PKP4: variants seen among roughly 807,000 people sequenced by gnomAD.
PKP4 encodes plakophilin 4, also known as plakophilin-4.
Under a neutral mutation model 145.1 loss-of-function variants are expected in PKP4, and 90 were observed. The ratio of observed to expected loss-of-function variants is 0.62; its 90% CI spans 0.52 to 0.74. PKP4 has a LOEUF of 0.74. Among genes scored for constraint, PKP4 ranks in the 30% least tolerant of loss-of-function variants. The probability of loss-of-function intolerance (pLI) is 0.00; values close to 1 mark genes in which losing one functional copy is unlikely to be tolerated. For missense variants in PKP4, 1,340 were observed against 1,482.7 expected, an observed-to-expected ratio of 0.90 and a Z score of 1.58; for synonymous variants, 563 against 577.2, an observed-to-expected ratio of 0.98 and a Z score of 0.35.
intron 9 of PKP4, among the ~76,000 whole-genome samples, chr2:158,635,683 T>C (rs1437286741): frequency 1.3e-5 from 2 of 152,172 alleles, no homozygotes; most frequent in African/African-American, 2.4e-5. Flanking sequence ...TATGATAATA[T>C]ACCTCAGCTA....
chr2:158,563,859 G>C (rs1033741889), intron 2 of PKP4, among the ~76,000 whole-genome samples: 1 of 151,998 alleles, frequency 6.6e-6, no homozygotes, highest in Non-Finnish European at 1.5e-5. Flanking sequence ...GCCATAATAG[G>C]TTATTGGAAT....
intron 4 of PKP4, among the ~76,000 whole-genome samples, chr2:158,606,483 T>C (rs1363030734): frequency 6.6e-6 from 1 of 152,248 alleles, no homozygotes; most frequent in Non-Finnish European, 1.5e-5. Flanking sequence ...ATCTCGACTT[T>C]CTTCTTTACT....
Position 158,457,134 on chromosome 2 carries a change from A to G in PKP4, c.-90A>G, listed in dbSNP as rs1688864612. The G allele has an allele frequency of 6.7e-6, 1 of 148,782 alleles. No individual in the cohort carries two copies. The highest frequency in any genetic ancestry group is 1.5e-5 in the Non-Finnish European group (1 of 67,176). 9.2% of individuals were successfully genotyped at this position (148,782 alleles called of 1,614,324 possible). On this transcript the variant is annotated 5_prime_UTR_variant, in exon 1 of 22. Coordinates refer to ENST00000389759, the MANE Select transcript of PKP4 (RefSeq NM_003628.6). The stretch of plus-strand genomic sequence containing the variant: ...GCCGCGCCGCCGCGGCACTTTTTTA[A>G]TTTTTTCGGGTGCCGCAGCGGCGAC...
chr2:158,535,751 T>C (rs563908624), intron 2 of PKP4, among the ~76,000 whole-genome samples: 1 of 152,236 alleles, frequency 6.6e-6, no homozygotes, highest in East Asian at 1.9e-4. Context: ...AAAGCGTCAC[T>C]GCCATGCCGT....
Position 158,457,864 on chromosome 2 carries a change from C to A in PKP4, c.-6+646C>A, listed in dbSNP as rs571319377. 3.3e-5 allele frequency: 5 copies of A among 153,720 alleles called. No individual in the cohort carries two copies. In the South Asian group the frequency reaches 8.2e-4, roughly 25 times the overall value. The allele number at this position is 153,720 out of a possible 1,614,324, so 9.5% of individuals were successfully genotyped here. ...CTCACGCTCCACCCCTCCCGGCTCC[C>A]CAGCGCCGAGCCTCGCCGCTGCCCT... is the stretch of plus-strand genomic sequence containing the variant. On this transcript the variant is annotated intron_variant, in intron 1 of 21. Coordinates refer to ENST00000389759, the MANE Select transcript of PKP4 (RefSeq NM_003628.6).
intron 3 of PKP4, chr2:158,588,276 C>G (rs1034158693): frequency 6.6e-6 from 1 of 152,108 alleles, no homozygotes; most frequent in Non-Finnish European, 1.5e-5. Context: ...TTGCCACCCC[C>G]TTGAGCAGTG....
chr2:158,476,833 A>G (rs1486900241), intron 1 of PKP4, among the ~76,000 whole-genome samples: 1 of 152,156 alleles, frequency 6.6e-6, no homozygotes, highest in Non-Finnish European at 1.5e-5. Context: ...ACAGGTGACC[A>G]CTGATGTCAT....
intron 3 of PKP4, among the ~76,000 whole-genome samples, chr2:158,581,616 C>G (rs910033012): frequency 6.6e-6 from 1 of 152,164 alleles, no homozygotes; most frequent in Non-Finnish European, 1.5e-5. Context: ...ATCCTCTTCC[C>G]CGAATGGGTG....
At chr2:158,535,404 A>G (rs896136610) in intron 2 of PKP4, among the ~76,000 whole-genome samples, 57 of 152,244 alleles carry the variant, frequency 3.7e-4, no homozygotes, top group Admixed American at 2.8e-3. Context: ...CTTAAATGGG[A>G]TGCATAATTA....
At chr2:158,529,702 C>G (rs1488715125) in intron 1 of PKP4, among the ~76,000 whole-genome samples, 1 of 152,216 alleles carries the variant, frequency 6.6e-6, no homozygotes, top group African/African-American at 2.4e-5. Flanking sequence ...TCATTTTGCT[C>G]TTGAACCTGA....
intron 9 of PKP4, among the ~76,000 whole-genome samples, chr2:158,639,321 G>GGTGTGTGT (rs60771839): frequency 7.3e-6 from 1 of 137,724 alleles, no homozygotes; most frequent in Non-Finnish European, 1.7e-5. Flanking sequence ...ACGCATGAGG[G>GGTGTGTGT]GTGTGTGTGT....
In PKP4 at chr2:158,591,366, G is replaced by C. The variant is rs1229380491; in HGVS notation, c.246-11704G>C. On this transcript the variant is annotated intron_variant, in intron 3 of 21. Coordinates refer to ENST00000389759, the MANE Select transcript of PKP4 (RefSeq NM_003628.6). ...ATTTTTTAAAGTATCTATATTTAGA[G>C]ATACATTTCAAGTATTTATTACTGA... 2.6e-5 allele frequency among the ~76,000 whole-genome samples: 4 copies of C among 152,084 alleles called. 1 individual carries two copies. In the East Asian group the frequency reaches 5.8e-4, roughly 22 times the overall value.
At chr2:158,624,309 C>G (rs1049839802) in intron 6 of PKP4, among the ~76,000 whole-genome samples, 1 of 152,174 alleles carries the variant, frequency 6.6e-6, no homozygotes, top group Non-Finnish European at 1.5e-5. Context: ...CACACTTGAT[C>G]CAAATGTTCA....
rs1443098206 is a variant in PKP4 at position 158,490,325 on chromosome 2, A to G, written c.-6+33107A>G. On this transcript the variant is annotated intron_variant, in intron 1 of 21. Coordinates refer to ENST00000389759, the MANE Select transcript of PKP4 (RefSeq NM_003628.6). ...TGCTAAGCTCTGGTACCTCCCTGAT[A>G]ACAGACCTGGTCACCAAATTGATTT... Among the ~76,000 whole-genome samples the G allele has an allele frequency of 2.6e-5, 4 of 151,506 alleles. No homozygotes were observed. The East Asian group carries it at 5.8e-4, about 22-fold the overall frequency.
intron 1 of PKP4, among the ~76,000 whole-genome samples, chr2:158,487,208 G>GA (rs1368904518): frequency 2.6e-5 from 4 of 152,150 alleles, no homozygotes; most frequent in Non-Finnish European, 5.9e-5. Context: ...ATTTGCAAGT[G>GA]ACATAGTAGA....
intron 3 of PKP4, chr2:158,578,210 A>T: frequency 4.0e-6 from 1 of 250,094 alleles, no homozygotes; most frequent in South Asian, 4.8e-5. Context: ...CTTAGTGAAT[A>T]GAATTCTGTC....
intron 1 of PKP4, among the ~76,000 whole-genome samples, chr2:158,470,611 G>A (rs141647261): frequency 2.1e-3 from 316 of 152,274 alleles, no homozygotes; most frequent in African/African-American, 7.2e-3. Flanking sequence ...CAACTAACCT[G>A]AAATCTAAGG....
chr2:158,568,805 C>G (rs554926866), intron 2 of PKP4, among the ~76,000 whole-genome samples: 101 of 152,256 alleles, frequency 6.6e-4, no homozygotes, highest in Middle Eastern at 6.8e-3. Context: ...GAAACCCCAT[C>G]TCTACTAAAA....
intron 1 of PKP4, among the ~76,000 whole-genome samples, chr2:158,531,453 C>A (rs545573602): frequency 1.3e-5 from 2 of 152,138 alleles, no homozygotes; most frequent in African/African-American, 4.8e-5. Context: ...ACTTTTATAT[C>A]TTTACTTGCC....
Sources: allele counts gnomAD v4.1 joint callset (sites outside exome capture counted in the v4.1 genomes callset), GRCh38; gene constraint gnomAD v4.1.1; transcripts MANE v1.5; gene names NCBI Gene and HGNC (gene_info 2026-07-23, HGNC 2026-07-21).